FAXC: variants seen among roughly 807,000 people sequenced by gnomAD.
FAXC encodes failed axon connections homolog.
FAXC carries 10 observed loss-of-function variants against 41.9 expected under a neutral mutation model. The observed-to-expected ratio is 0.24, with a 90% CI of 0.15 to 0.41. The LOEUF is 0.41. Ranked by LOEUF, FAXC falls within the 10% of genes least tolerant of loss-of-function variation. The probability of loss-of-function intolerance (pLI) is 1.00; values close to 1 mark genes in which losing one functional copy is unlikely to be tolerated. For missense variants in FAXC, 399 were observed against 510.9 expected, an observed-to-expected ratio of 0.78 and a Z score of 2.11; for synonymous variants, 183 against 183.8, an observed-to-expected ratio of 1.00 and a Z score of 0.03.
chr6:99,317,085 C>A (rs1772386427), intron 4 of FAXC, among the ~76,000 whole-genome samples: 1 of 151,112 alleles, frequency 6.6e-6, no homozygotes, highest in Non-Finnish European at 1.5e-5. Flanking sequence ...ACTCCGCAAG[C>A]CATTTTCTGA....
At chr6:99,301,121 C>A (rs1375226665) in intron 4 of FAXC, among the ~76,000 whole-genome samples, 1 of 152,240 alleles carries the variant, frequency 6.6e-6, no homozygotes, top group Non-Finnish European at 1.5e-5. Flanking sequence ...CTGTTTAGGT[C>A]CTGCCCAGAG....
chr6:99,348,564 C>G (rs906819256), intron 1 of FAXC, among the ~76,000 whole-genome samples: 3 of 152,200 alleles, frequency 2.0e-5, no homozygotes, highest in African/African-American at 7.2e-5. Context: ...ACCAGATAAG[C>G]AGAGAACCAG....
At position 99,272,144 on chromosome 6, in the gene FAXC, A is replaced by ATGTG. The variant is rs1174562628; in HGVS notation, c.*9019_*9020insCACA. 1.4e-4 allele frequency: 6 copies of ATGTG among 41,390 alleles called. No individual in the cohort carries two copies. In the South Asian group the frequency reaches 3.6e-3, roughly 25 times the overall value. The allele number at this position is 41,390 out of a possible 1,614,324, so 2.6% of individuals were successfully genotyped here. A position where few individuals can be genotyped will look rare whatever the true frequency, so the allele number is the denominator to read the frequency against. On this transcript the variant is annotated 3_prime_UTR_variant, in exon 6 of 6. Transcript: ENST00000389677. ...AGAGGTATGAAAACTAATTGAGACT[A>ATGTG]TATGTGTGTGTGTGTGTGTGTGTGT...
chr6:99,329,735 T>G (rs940192867), intron 3 of FAXC, among the ~76,000 whole-genome samples: 1 of 151,918 alleles, frequency 6.6e-6, no homozygotes, highest in South Asian at 2.1e-4. Context: ...AGAAAAGATC[T>G]TGGTTAAGTC....
chr6:99,309,756 A>T (rs933782844), intron 4 of FAXC: 11 of 210,006 alleles, frequency 5.2e-5, no homozygotes, highest in African/African-American at 2.6e-4. Context: ...ATAAGTAAAG[A>T]CCCGTCAGAG....
In FAXC at chr6:99,272,562, C is replaced by A. The variant is rs1003617603; in HGVS notation, c.*8602G>T. Reference sequence around the variant, plus strand: ...GTCTCAACATGTGCTCCCAGCTCTCCCTCTCCTCCTTGTCTTCTCTCTACC... The same window carrying A: ...GTCTCAACATGTGCTCCCAGCTCTCACTCTCCTCCTTGTCTTCTCTCTACC... On this transcript the variant is annotated 3_prime_UTR_variant, in exon 6 of 6. Coordinates refer to ENST00000389677, the MANE Select transcript of FAXC (RefSeq NM_032511.4). 1 of 152,226 alleles carries A rather than the reference C, an allele frequency of 6.6e-6. No individual in the cohort carries two copies. The highest frequency in any genetic ancestry group is 1.5e-5 in the Non-Finnish European group (1 of 68,076). The allele number at this position is 152,226 out of a possible 1,614,324, so 9.4% of individuals were successfully genotyped here. A position where few individuals can be genotyped will look rare whatever the true frequency, so the allele number is the denominator to read the frequency against.
chr6:99,325,281 TA>T (rs1772757327), intron 3 of FAXC, among the ~76,000 whole-genome samples: 1 of 152,136 alleles, frequency 6.6e-6, no homozygotes, highest in Non-Finnish European at 1.5e-5. Context: ...CAAATAAAAA[TA>T]AGAAATAGAT....
In FAXC at chr6:99,330,667, C is replaced by T. The variant is rs535681572; in HGVS notation, c.599+2684G>A. 1.6e-4 allele frequency among the ~76,000 whole-genome samples: 25 copies of T among 152,284 alleles called. No homozygotes were observed. The South Asian group carries it at 4.8e-3, about 29-fold the overall frequency. ...ATATGAAAACTCCACATAATTGAAT[C>T]AATTGAGTCAAACAAGGTAGGCTTA... On this transcript the variant is annotated intron_variant, in intron 3 of 5. Coordinates refer to ENST00000389677, the MANE Select transcript of FAXC (RefSeq NM_032511.4).
chr6:99,333,224 G>A (rs908979310), intron 3 of FAXC, 127 bp downstream of exon 3: 3 of 768,496 alleles, frequency 3.9e-6, no homozygotes, highest in South Asian at 4.0e-5. Flanking sequence ...TTTGATGACT[G>A]AGCCACTCAC....
chr6:99,318,663 A>C (rs563953183), intron 4 of FAXC, among the ~76,000 whole-genome samples: 4 of 152,360 alleles, frequency 2.6e-5, no homozygotes, highest in African/African-American at 9.6e-5. Flanking sequence ...CTATTTATTT[A>C]GCACTTCCTA....
chr6:99,305,096 A>G (rs1246240033), intron 4 of FAXC, among the ~76,000 whole-genome samples: 1 of 152,198 alleles, frequency 6.6e-6, no homozygotes, highest in African/African-American at 2.4e-5. Flanking sequence ...CATACGGGGA[A>G]AAAGAAGATG....
intron 4 of FAXC, among the ~76,000 whole-genome samples, chr6:99,316,158 C>A (rs1294224729): frequency 5.8e-5 from 3 of 51,658 alleles, no homozygotes; most frequent in Non-Finnish European, 1.7e-4. Flanking sequence ...AACCCACTCG[C>A]CCCCCCCCAC....
intron 5 of FAXC, 62 bp from the exon 6 acceptor site, chr6:99,281,515 G>A (rs1373687995): frequency 7.6e-7 from 1 of 1,307,864 alleles, no homozygotes; most frequent in African/African-American, 1.5e-5. Flanking sequence ...CACTTCTATG[G>A]TCTGTGTTGC....
In FAXC at chr6:99,272,029, A is replaced by G. The variant is rs915734020; in HGVS notation, c.*9135T>C. 1 of 152,138 alleles carries G rather than the reference A, an allele frequency of 6.6e-6. No homozygotes were observed. The highest frequency in any genetic ancestry group is 2.4e-5 in the African/African-American group (1 of 41,416). 9.4% of individuals were successfully genotyped at this position (152,138 alleles called of 1,614,324 possible). A position where few individuals can be genotyped will look rare whatever the true frequency, so the allele number is the denominator to read the frequency against. ...GTGAATCTCTGACCCTAAAGACTTG[A>G]GCATATCATGGCCATATTACCATAT... is the stretch of plus-strand genomic sequence containing the variant. On this transcript the variant is annotated 3_prime_UTR_variant, in exon 6 of 6. Coordinates refer to ENST00000389677, the MANE Select transcript of FAXC (RefSeq NM_032511.4).
chr6:99,321,878 T>C (rs755152762), intron 4 of FAXC, among the ~76,000 whole-genome samples: 25 of 152,244 alleles, frequency 1.6e-4, no homozygotes, highest in African/African-American at 6.0e-4. Context: ...GTGGTGCTTA[T>C]AGCATAATTT....
At chr6:99,292,526 A>G (rs1771285897) in intron 4 of FAXC, among the ~76,000 whole-genome samples, 1 of 152,168 alleles carries the variant, frequency 6.6e-6, no homozygotes, top group African/African-American at 2.4e-5. Context: ...AACTGACCCA[A>G]GTCATCTCCC....
intron 2 of FAXC, chr6:99,334,541 C>G: frequency 1.3e-6 from 1 of 769,442 alleles, no homozygotes; most frequent in Non-Finnish European, 1.6e-6. Flanking sequence ...ATGTCACCTA[C>G]TTCTAGAAGC....
intron 3 of FAXC, among the ~76,000 whole-genome samples, chr6:99,333,105 A>G (rs929376466): frequency 2.0e-5 from 3 of 152,220 alleles, no homozygotes; most frequent in Non-Finnish European, 4.4e-5. Flanking sequence ...ACTAGTTGCA[A>G]AAGAGACGTA....
chr6:99,288,168 A>C (rs1771092623), intron 5 of FAXC, among the ~76,000 whole-genome samples: 2 of 152,244 alleles, frequency 1.3e-5, no homozygotes, highest in South Asian at 4.1e-4. Flanking sequence ...TTCTGAAAGA[A>C]AAAATTCTGT....
Sources: allele counts gnomAD v4.1 joint callset (sites outside exome capture counted in the v4.1 genomes callset), GRCh38; gene constraint gnomAD v4.1.1; transcripts MANE v1.5; gene names NCBI Gene and HGNC (gene_info 2026-07-23, HGNC 2026-07-21).